Variants in SNX9 observed in about 807,000 individuals in gnomAD.
SNX9 encodes the protein sorting nexin 9.
In SNX9, 44 loss-of-function variants were observed where a neutral mutation model predicts 89.4. That is an observed-to-expected ratio of 0.49 (90% CI 0.39 to 0.63). The LOEUF (loss-of-function observed/expected upper bound fraction) is 0.63, where lower values mean the gene tolerates loss of function less well. SNX9 is among the 30% of genes least tolerant of loss of function. SNX9 has a pLI of 0.00. For synonymous variants in SNX9, 236 were observed against 247.8 expected (o/e 0.95, Z 0.45); for missense variants, 578 against 736.1 (o/e 0.79, Z 2.49).
In SNX9 at chr6:157,944,094, A is replaced by G. The variant is rs1382146702; in HGVS notation, c.*1256A>G. On this transcript the variant is annotated 3_prime_UTR_variant, in exon 18 of 18. Coordinates refer to ENST00000392185, the MANE Select transcript of SNX9 (RefSeq NM_016224.5). The stretch of plus-strand genomic sequence containing the variant: ...GCATAAAGCAAAACAGGACCTTGGC[A>G]CACCGTCAGCTCGAACTCAACACTG... 6.6e-6 allele frequency: 1 copy of G among 152,276 alleles called. No homozygotes were observed. The highest frequency in any genetic ancestry group is 1.5e-5 in the Non-Finnish European group (1 of 68,078). 9.4% of individuals were successfully genotyped at this position (152,276 alleles called of 1,614,324 possible). A position where few individuals can be genotyped will look rare whatever the true frequency, so the allele number is the denominator to read the frequency against.
chr6:157,900,195 A>G (rs1165978708), intron 5 of SNX9, among the ~76,000 whole-genome samples: 2 of 152,056 alleles, frequency 1.3e-5, no homozygotes, highest in Non-Finnish European at 2.9e-5. Context: ...AATAAGATCC[A>G]TGTGGTATTT....
intron 4 of SNX9, 72 bp from the exon 5 acceptor site, chr6:157,896,755 A>C: frequency 1.3e-6 from 2 of 1,504,560 alleles, no homozygotes; most frequent in African/African-American, 1.4e-5. Context: ...CAATTGTGTC[A>C]GTTCATTATT....
At chr6:157,889,522 AG>A (rs1482374366) in intron 4 of SNX9, among the ~76,000 whole-genome samples, 1 of 152,160 alleles carries the variant, frequency 6.6e-6, no homozygotes, top group Admixed American at 6.5e-5. Flanking sequence ...TTTTGAAAAA[AG>A]TCAAGATCTC....
intron 9 of SNX9, among the ~76,000 whole-genome samples, chr6:157,917,389 G>C (rs913064355): frequency 4.6e-5 from 7 of 151,452 alleles, no homozygotes; most frequent in African/African-American, 1.7e-4. Flanking sequence ...TTAGATTATT[G>C]TTTTGAGATA....
At chr6:157,855,110 A>G (rs1216596143) in intron 1 of SNX9, among the ~76,000 whole-genome samples, 3 of 152,114 alleles carry the variant, frequency 2.0e-5, no homozygotes, top group Non-Finnish European at 4.4e-5. Context: ...GTGCATACAC[A>G]AGCAAATGCA....
chr6:157,860,847 G>C (rs536046381), intron 1 of SNX9, among the ~76,000 whole-genome samples: 30 of 152,180 alleles, frequency 2.0e-4, no homozygotes, highest in Non-Finnish European at 4.0e-4. Flanking sequence ...CCCTAGAATT[G>C]TACAGTCGCC....
At chr6:157,833,993 T>C (rs998157336) in intron 1 of SNX9, among the ~76,000 whole-genome samples, 3 of 151,978 alleles carry the variant, frequency 2.0e-5, no homozygotes, top group Admixed American at 1.3e-4. Flanking sequence ...CGCTGGGGGC[T>C]ACGTCAGGTT....
chr6:157,921,401 G>A, intron 9 of SNX9, 130 bp from the exon 10 acceptor site: 1 of 883,358 alleles, frequency 1.1e-6, no homozygotes. Flanking sequence ...AAATCTCCAT[G>A]GTTTACCTTT....
At chr6:157,924,264 TC>T (rs34347005) in intron 10 of SNX9, 14 of 151,510 alleles carry the variant, frequency 9.2e-5, no homozygotes, top group Non-Finnish European at 1.8e-4. Context: ...AAAAAAAAAA[TC>T]CCAGAGGTAA....
intron 11 of SNX9, among the ~76,000 whole-genome samples, chr6:157,927,827 C>T (rs1320148590): frequency 4.0e-5 from 6 of 148,298 alleles, no homozygotes; most frequent in South Asian, 4.3e-4. Flanking sequence ...CCCAGGTTCA[C>T]GCCATTCTCC....
intron 1 of SNX9, 78 bp from the exon 2 acceptor site, chr6:157,867,469 A>G: frequency 8.6e-7 from 1 of 1,161,860 alleles, no homozygotes; most frequent in South Asian, 1.4e-5. Flanking sequence ...ATGCTTAGAA[A>G]GTGAACTGTA....
intron 1 of SNX9, among the ~76,000 whole-genome samples, chr6:157,840,248 C>G (rs1185412896): frequency 1.3e-5 from 2 of 151,804 alleles, no homozygotes; most frequent in African/African-American, 4.8e-5. Context: ...CAGGCTGGTG[C>G]TTGCACAGTG....
intron 4 of SNX9, among the ~76,000 whole-genome samples, chr6:157,881,553 C>G (rs1782624032): frequency 6.6e-6 from 1 of 152,178 alleles, no homozygotes; most frequent in Non-Finnish European, 1.5e-5. Context: ...AAGCCAGGTC[C>G]TCTTGAGCCA....
intron 9 of SNX9, among the ~76,000 whole-genome samples, chr6:157,920,830 G>A (rs1783568073): frequency 2.0e-5 from 3 of 152,132 alleles, no homozygotes; most frequent in Admixed American, 2.0e-4. Context: ...TTCTTGTCAA[G>A]CTGACTTTCT....
chr6:157,927,277 C>A, intron 11 of SNX9, 63 bp downstream of exon 11: 2 of 1,219,460 alleles, frequency 1.6e-6, no homozygotes, highest in Non-Finnish European at 2.4e-6. Flanking sequence ...GGCCATCAGG[C>A]TTCAGCCAGT....
chr6:157,881,337 G>A (rs6455870), intron 4 of SNX9, among the ~76,000 whole-genome samples: 19,099 of 151,912 alleles, frequency 0.13, 1,949 homozygotes, highest in African/African-American at 0.28. Context: ...TGTTCTACCC[G>A]CCAGCCATAC....
intron 5 of SNX9, among the ~76,000 whole-genome samples, chr6:157,897,675 C>T (rs924620101): frequency 6.6e-6 from 1 of 152,076 alleles, no homozygotes; most frequent in Admixed American, 6.6e-5. Flanking sequence ...CCGCCACACC[C>T]GGCTGATTTT....
intron 9 of SNX9, among the ~76,000 whole-genome samples, chr6:157,912,973 A>G (rs1050810616): frequency 6.6e-6 from 1 of 152,228 alleles, no homozygotes; most frequent in Admixed American, 6.5e-5. Context: ...CAGCTATGTC[A>G]GAAAAATTTT....
intron 9 of SNX9, among the ~76,000 whole-genome samples, chr6:157,910,823 G>A (rs1354654890): frequency 2.0e-5 from 3 of 152,322 alleles, no homozygotes; most frequent in East Asian, 1.9e-4. Context: ...GAGGGACTCA[G>A]CATGTGTGTG....
Sources: allele counts gnomAD v4.1 joint callset (sites outside exome capture counted in the v4.1 genomes callset), GRCh38; gene constraint gnomAD v4.1.1; transcripts MANE v1.5; gene names NCBI Gene and HGNC (gene_info 2026-07-23, HGNC 2026-07-21).